ITGB1: variants seen among roughly 807,000 people sequenced by gnomAD.
ITGB1 encodes integrin subunit beta 1, also known as integrin beta-1.
In ITGB1, 24 loss-of-function variants were observed where a neutral mutation model predicts 86.5. That is an observed-to-expected ratio of 0.28 (90% CI 0.20 to 0.39). The LOEUF (loss-of-function observed/expected upper bound fraction) is 0.39. Among genes scored for constraint, ITGB1 ranks in the 10% least tolerant of loss-of-function variants. The pLI is 1.00. For synonymous variants in ITGB1, 323 were observed against 316.8 expected, an observed-to-expected ratio of 1.02 and a Z score of -0.21; for missense variants, 556 against 946.9, an observed-to-expected ratio of 0.59 and a Z score of 5.42.
chr10:32,922,105 TAA>T (rs2094951874), intron 9 of ITGB1, 150 bp downstream of exon 9: 3 of 485,258 alleles, frequency 6.2e-6, no homozygotes, highest in Non-Finnish European at 1.1e-5. Context: ...ACAATATGTA[TAA>T]AGTTTTTCCT....
intron 15 of ITGB1, among the ~76,000 whole-genome samples, chr10:32,905,776 G>T (rs958004838): frequency 6.6e-6 from 1 of 152,218 alleles, no homozygotes; most frequent in African/African-American, 2.4e-5. Flanking sequence ...TGATTTTTAT[G>T]TAAGTGTTCC....
At chr10:32,909,964 T>C (rs1264415756) in intron 14 of ITGB1, among the ~76,000 whole-genome samples, 1 of 152,206 alleles carries the variant, frequency 6.6e-6, no homozygotes, top group South Asian at 2.1e-4. Flanking sequence ...AAGTGTCTTA[T>C]ATAAATCACT....
intron 1 of ITGB1, among the ~76,000 whole-genome samples, chr10:32,952,453 C>T (rs1330025655): frequency 4.7e-5 from 2 of 42,486 alleles, no homozygotes; most frequent in Non-Finnish European, 1.5e-4. Context: ...CAATTTCCTC[C>T]TCCAATAAAC....
chr10:32,955,084 A>G (rs547961742), intron 1 of ITGB1, among the ~76,000 whole-genome samples: 5 of 152,160 alleles, frequency 3.3e-5, no homozygotes, highest in African/African-American at 9.7e-5. Context: ...ACATACCATA[A>G]TATCTTTTCA....
chr10:32,946,710 T>G (rs2095031826), intron 1 of ITGB1, among the ~76,000 whole-genome samples: 1 of 116,752 alleles, frequency 8.6e-6, no homozygotes, highest in Admixed American at 1.3e-4. Context: ...CTCCAGGTAC[T>G]TAAAACACAA....
At position 32,910,276 on chromosome 10, in the gene ITGB1, G is replaced by A. The variant is rs1365486007; in HGVS notation, c.2111C>T (p.Thr704Met). ...CTCGTTGTTCCCATTCACTGAATAC[G>A]TAAAATAGAACCAACAGTCGTCAAC... ...KDVDDCWFYF[T>M]YSVNGNNEVM... The change falls in exon 14 of 16, where the codon ACG (threonine) becomes ATG (methionine). Residue 704 changes from threonine to methionine, a missense_variant. By Grantham distance (81) the Thr-to-Met change is moderately conservative (BLOSUM62 -1). This residue lies in a region of ITGB1 where 330 missense variants were observed against 531.5 expected (regional missense o/e 0.62). Coordinates refer to ENST00000302278, the MANE Select transcript of ITGB1 (RefSeq NM_002211.4). The A allele has an allele frequency of 4.4e-6, 7 of 1,608,800 alleles. No homozygotes were observed. The highest frequency in any genetic ancestry group is 1.3e-5 in the African/African-American group (1 of 74,758).
rs1432002006 is a variant in ITGB1 at position 32,932,507 on chromosome 10, T to G, written c.153+8A>C. 6.4e-7 allele frequency: 1 copy of G among 1,550,696 alleles called. No individual in the cohort carries two copies. The highest frequency in any genetic ancestry group is 1.1e-5 in the South Asian group (1 of 89,782). On this transcript the variant is annotated splice_region_variant and intron_variant, in intron 3 of 15. Transcript: ENST00000302278. ...ACAAATGGAAAGGACTTGAGCAACC[T>G]TACTTACTGAATTTGTGCACCACCC...
At chr10:32,935,347 C>G (rs2094997765) in intron 2 of ITGB1, 145 bp downstream of exon 2, 1 of 583,898 alleles carries the variant, frequency 1.7e-6, no homozygotes, top group African/African-American at 1.9e-5. Context: ...GGAACTTGAC[C>G]TTTCTCTGAG....
At chr10:32,911,345 C>T in intron 13 of ITGB1, 103 bp downstream of exon 13, 3 of 956,232 alleles carry the variant, frequency 3.1e-6, no homozygotes, top group Middle Eastern at 3.3e-4. Flanking sequence ...ATTTTATTTA[C>T]AGTATATTTT....
intron 1 of ITGB1, chr10:32,936,094 C>G (rs1405338323): frequency 6.6e-6 from 1 of 152,240 alleles, no homozygotes; most frequent in Non-Finnish European, 1.5e-5. Flanking sequence ...GCATAAGGCC[C>G]CAAATAGATT....
rs201353503 is a variant in ITGB1, at chr10:32,919,968, A to G, written c.1386T>C (p.Cys462=). The change falls in exon 11 of 16, where the codon TGT becomes TGC. Residue 462 remains cysteine, a synonymous_variant. Coordinates refer to ENST00000302278, the MANE Select transcript of ITGB1 (RefSeq NM_002211.4). ...TGCCTTCGCTTTGGCATTCACATTCACAGATGTACTGAAGAATAACCTCTA... is the reference window on the plus strand; with the variant it reads ...TGCCTTCGCTTTGGCATTCACATTCGCAGATGTACTGAAGAATAACCTCTA... ...EEVEVILQYI[C]ECECQSEGIP... 1.7e-5 allele frequency: 28 copies of G among 1,613,834 alleles called. No homozygotes were observed. The East Asian group carries it at 6.2e-4, about 36-fold the overall frequency.
chr10:32,903,176 A>G (rs577164464), intron 15 of ITGB1, among the ~76,000 whole-genome samples: 8 of 151,354 alleles, frequency 5.3e-5, no homozygotes, highest in Non-Finnish European at 1.2e-4. Flanking sequence ...ACACGGTAAA[A>G]CCCCGTCTCT....
intron 11 of ITGB1, among the ~76,000 whole-genome samples, chr10:32,918,807 C>T (rs1361265037): frequency 1.3e-5 from 2 of 151,804 alleles, no homozygotes; most frequent in South Asian, 2.1e-4. Flanking sequence ...ACAATAAACA[C>T]ATGCAAAAAA....
At chr10:32,944,875 T>TA (rs1358904747) in intron 1 of ITGB1, 1 of 1,332,496 alleles carries the variant, frequency 7.5e-7, no homozygotes, top group Non-Finnish European at 1.1e-6. Flanking sequence ...ATGAGGATGA[T>TA]AAACCAGAGA....
intron 1 of ITGB1, among the ~76,000 whole-genome samples, chr10:32,949,045 C>T (rs1293472332): frequency 6.8e-6 from 1 of 148,058 alleles, no homozygotes; most frequent in Non-Finnish European, 1.5e-5. Flanking sequence ...GTATAATACA[C>T]TAAGTTTTGA....
At chr10:32,943,247 T>A (rs2095023233) in intron 1 of ITGB1, among the ~76,000 whole-genome samples, 1 of 152,158 alleles carries the variant, frequency 6.6e-6, no homozygotes. Flanking sequence ...CTCTTAAACA[T>A]TATGAAACCA....
chr10:32,901,860 A>G (rs543966920), intron 15 of ITGB1, among the ~76,000 whole-genome samples: 4 of 152,292 alleles, frequency 2.6e-5, no homozygotes, highest in Admixed American at 1.3e-4. Context: ...ATCTGGTGCT[A>G]TTTCATTCTT....
At chr10:32,943,192 T>C (rs1451399276) in intron 1 of ITGB1, among the ~76,000 whole-genome samples, 1 of 152,204 alleles carries the variant, frequency 6.6e-6, no homozygotes, top group Non-Finnish European at 1.5e-5. Context: ...ACTTTAAGTA[T>C]ATAAGCCAAC....
At chr10:32,957,508 AC>A (rs1361444916) in intron 1 of ITGB1, among the ~76,000 whole-genome samples, 1 of 151,886 alleles carries the variant, frequency 6.6e-6, no homozygotes, top group African/African-American at 2.4e-5. Context: ...CCGCCACCGC[AC>A]CCCCGGTCCC....
Sources: allele counts gnomAD v4.1 joint callset (sites outside exome capture counted in the v4.1 genomes callset), GRCh38; gene constraint gnomAD v4.1.1; regional missense constraint gnomAD v4.1.1; transcripts MANE v1.5; gene names NCBI Gene and HGNC (gene_info 2026-07-23, HGNC 2026-07-21).